Variants in TMEM132C observed in about 807,000 individuals in gnomAD.
The protein encoded by TMEM132C is transmembrane protein 132C.
A neutral mutation model predicts 61.4 loss-of-function variants in TMEM132C; 29 were observed. The ratio of observed to expected loss-of-function variants is 0.47; its 90% CI spans 0.35 to 0.64. TMEM132C has a LOEUF of 0.64. TMEM132C is among the 30% of genes least tolerant of loss of function. The probability of loss-of-function intolerance (pLI) is 0.00; values close to 1 mark genes in which losing one functional copy is unlikely to be tolerated. For synonymous variants in TMEM132C, 656 were observed against 633.1 expected, an observed-to-expected ratio of 1.04 and a Z score of -0.54; for missense variants, 1,408 against 1,476.9, an observed-to-expected ratio of 0.95 and a Z score of 0.76.
intron 3 of TMEM132C, among the ~76,000 whole-genome samples, chr12:128,597,863 C>T (rs957310562): frequency 9.9e-5 from 15 of 152,170 alleles, no homozygotes; most frequent in Non-Finnish European, 1.9e-4. Flanking sequence ...CTATAGGGAG[C>T]AAACATGCAG....
At chr12:128,566,037 G>A (rs1344573016) in intron 3 of TMEM132C, among the ~76,000 whole-genome samples, 2 of 152,032 alleles carry the variant, frequency 1.3e-5, no homozygotes, top group Non-Finnish European at 2.9e-5. Flanking sequence ...TTACAGGCGT[G>A]TGCCACCATG....
chr12:128,329,403 G>T (rs1479110223), intron 1 of TMEM132C, among the ~76,000 whole-genome samples: 2 of 152,170 alleles, frequency 1.3e-5, no homozygotes, highest in Non-Finnish European at 2.9e-5. Context: ...GGACTGCAAA[G>T]CCTTCTGGCC....
Position 128,706,297 on chromosome 12 carries a change from C to G in TMEM132C, c.*2C>G. ...GAGAAACTCAAAGATAAGGCTTAGG[C>G]CCCTCTAGCCAAAGGGCCCTGCCCA... On this transcript the variant is annotated 3_prime_UTR_variant, in exon 9 of 9. Coordinates refer to ENST00000435159, the MANE Select transcript of TMEM132C (RefSeq NM_001136103.3). 6.6e-7 allele frequency: 1 copy of G among 1,515,216 alleles called. No individual in the cohort carries two copies. The allele number at this position is 1,515,216 out of a possible 1,614,324, so 93.9% of individuals were successfully genotyped here. A position where few individuals can be genotyped will look rare whatever the true frequency, so the allele number is the denominator to read the frequency against.
intron 2 of TMEM132C, among the ~76,000 whole-genome samples, chr12:128,497,235 T>C (rs1039483683): frequency 2.0e-5 from 3 of 152,236 alleles, no homozygotes; most frequent in African/African-American, 7.2e-5. Flanking sequence ...GATGTCAGTC[T>C]GCCCCTACTG....
intron 1 of TMEM132C, among the ~76,000 whole-genome samples, chr12:128,387,862 T>A (rs1182771321): frequency 6.6e-6 from 1 of 152,170 alleles, no homozygotes; most frequent in Non-Finnish European, 1.5e-5. Context: ...CGTGGGTGTT[T>A]GTGCAGGCCA....
chr12:128,329,908 G>A (rs1380817182), intron 1 of TMEM132C, among the ~76,000 whole-genome samples: 2 of 152,200 alleles, frequency 1.3e-5, no homozygotes, highest in Admixed American at 1.3e-4. Context: ...ATGGAAACTT[G>A]TAAAATACGG....
chr12:128,612,529 A>G (rs1420619192), intron 3 of TMEM132C, among the ~76,000 whole-genome samples: 1 of 152,192 alleles, frequency 6.6e-6, no homozygotes, highest in Non-Finnish European at 1.5e-5. Flanking sequence ...GTGGTTGAAG[A>G]GCAAGTTGAT....
chr12:128,705,248 C>A lies in TMEM132C; in HGVS notation c.2280C>A (p.Ala760=), dbSNP rs1368819442. Residue 760 remains alanine, a synonymous_variant, in exon 9 of 9, where the codon GCC becomes GCA. Transcript: ENST00000435159. Reference sequence around the variant, plus strand: ...CTCCCAGGTGGCCCGTTGTGGTGGCCGAAGGGGAAGGCCAGGGCCCACTGA... The same window carrying A: ...CTCCCAGGTGGCCCGTTGTGGTGGCAGAAGGGGAAGGCCAGGGCCCACTGA... ...PRSPRWPVVV[A]EGEGQGPLIR... The A allele has an allele frequency of 6.4e-7, 1 of 1,551,600 alleles. No homozygotes were observed. The highest frequency in any genetic ancestry group is 2.4e-5 in the East Asian group (1 of 40,908).
At chr12:128,302,596 C>G (rs1481571452) in intron 1 of TMEM132C, among the ~76,000 whole-genome samples, 1 of 152,100 alleles carries the variant, frequency 6.6e-6, no homozygotes, top group East Asian at 1.9e-4. Context: ...AATTTGGTAG[C>G]AAGTTTTTAT....
chr12:128,454,726 AC>A (rs1870287317), intron 2 of TMEM132C, among the ~76,000 whole-genome samples: 1 of 152,204 alleles, frequency 6.6e-6, no homozygotes, highest in East Asian at 1.9e-4. Flanking sequence ...GTGTGATCCA[AC>A]CCCAAAACAG....
chr12:128,602,298 CTG>C (rs1204601975), intron 3 of TMEM132C, among the ~76,000 whole-genome samples: 1 of 152,250 alleles, frequency 6.6e-6, no homozygotes, highest in East Asian at 1.9e-4. Flanking sequence ...GCAAAACAAT[CTG>C]TGCAGCCCTA....
chr12:128,445,922 C>T (rs1168160862), intron 2 of TMEM132C, among the ~76,000 whole-genome samples: 13 of 152,242 alleles, frequency 8.5e-5, no homozygotes, highest in African/African-American at 2.9e-4. Context: ...CAGAGAACCA[C>T]AATAATTGAG....
intron 4 of TMEM132C, among the ~76,000 whole-genome samples, chr12:128,659,574 G>A (rs1417703086): frequency 6.6e-6 from 1 of 152,184 alleles, no homozygotes; most frequent in African/African-American, 2.4e-5. Flanking sequence ...GGGAGCATTC[G>A]CCCAGTTATT....
chr12:128,337,291 A>G (rs1437426818), intron 1 of TMEM132C, among the ~76,000 whole-genome samples: 2 of 152,182 alleles, frequency 1.3e-5, no homozygotes, highest in East Asian at 3.9e-4. Context: ...AAGAATAATT[A>G]TCACTATGCT....
intron 4 of TMEM132C, among the ~76,000 whole-genome samples, chr12:128,663,754 C>A (rs567006051): frequency 6.6e-6 from 1 of 152,056 alleles, no homozygotes; most frequent in African/African-American, 2.4e-5. Context: ...CGAGTGCCTA[C>A]TCTGTAGGCC....
At chr12:128,586,350 TATA>T (rs1875548647) in intron 3 of TMEM132C, among the ~76,000 whole-genome samples, 1 of 27,266 alleles carries the variant, frequency 3.7e-5, no homozygotes, top group Admixed American at 2.8e-4. Flanking sequence ...GTATGTGACT[TATA>T]GTATAGGCAT....
chr12:128,465,018 C>T (rs759367633), intron 2 of TMEM132C, among the ~76,000 whole-genome samples: 1 of 151,922 alleles, frequency 6.6e-6, no homozygotes, highest in Non-Finnish European at 1.5e-5. Context: ...AGGAATTTCC[C>T]GTTTTCCCAA....
chr12:128,530,282 C>T (rs1873240806), intron 2 of TMEM132C, among the ~76,000 whole-genome samples: 1 of 152,138 alleles, frequency 6.6e-6, no homozygotes, highest in South Asian at 2.1e-4. Context: ...TTCACCAGGG[C>T]TGTGCTGGTC....
chr12:128,503,264 AAGCT>A (rs1307937012), intron 2 of TMEM132C, among the ~76,000 whole-genome samples: 1 of 152,212 alleles, frequency 6.6e-6, no homozygotes, highest in Non-Finnish European at 1.5e-5. Flanking sequence ...CATCTGACGA[AAGCT>A]TGATGTACAG....
Sources: gnomAD v4.1 joint callset for allele counts (sites outside exome capture counted in the v4.1 genomes callset) on GRCh38, gnomAD v4.1.1 for gene constraint, MANE v1.5 for transcripts, NCBI Gene and HGNC (gene_info 2026-07-23, HGNC 2026-07-21) for gene names.